The following COL5A1 variants were observed in gnomAD, a reference collection of about 807,000 sequenced individuals.
COL5A1 encodes collagen type V alpha 1 chain.
A neutral mutation model predicts 263.7 loss-of-function variants in COL5A1; 16 were observed. That is an observed-to-expected ratio of 0.06 (90% CI 0.04 to 0.09). The LOEUF is 0.09. COL5A1 is among the 10% of genes least tolerant of loss of function. COL5A1 has a pLI of 1.00. For synonymous variants in COL5A1, 1,012 were observed against 1,004.5 expected (o/e 1.01, Z -0.14); for missense variants, 2,036 against 2,540.5 (o/e 0.80, Z 4.27).
chr9:134,750,718 C>T, intron 12 of COL5A1, 72 bp from the exon 13 acceptor site: 1 of 1,597,602 alleles, frequency 6.3e-7, no homozygotes, highest in Non-Finnish European at 8.6e-7. Flanking sequence ...CCTGTGGGCC[C>T]CGTCTCAGTC....
rs2132623215 is a variant in COL5A1, at chr9:134,722,524, G to A, written c.655-4742G>A. Among the ~76,000 whole-genome samples, 3 of 152,360 alleles carry A rather than the reference G, an allele frequency of 2.0e-5. No individual in the cohort carries two copies. The Middle Eastern group carries it at 0.01, about 518-fold the overall frequency. On this transcript the variant is annotated intron_variant, in intron 4 of 65. Coordinates refer to ENST00000371817, the MANE Select transcript of COL5A1 (RefSeq NM_000093.5). ...ACGCCCATGATCCAAGGAGCTTGGG[G>A]CTTCCGGGGAAGCAGAGCTGGATCC...
chr9:134,680,856 C>T lies in COL5A1; in HGVS notation c.110-10056C>T, dbSNP rs982219174. 2.0e-5 allele frequency among the ~76,000 whole-genome samples: 3 copies of T among 152,168 alleles called. No individual in the cohort carries two copies. The highest frequency in any genetic ancestry group is 6.5e-5 in the Admixed American group (1 of 15,282). On this transcript the variant is annotated intron_variant, in intron 1 of 65. Coordinates refer to ENST00000371817, the MANE Select transcript of COL5A1 (RefSeq NM_000093.5). This position sits in a 1 kb window ranked among gnomAD's most constrained non-coding sequence, Gnocchi z 5.9. ...GAGCTTTTAGGTGGGTGCATGGAAC[C>T]TGCTTTGGCGAAGTGGCAGTGAGCG... is the stretch of plus-strand genomic sequence containing the variant.
intron 25 of COL5A1, among the ~76,000 whole-genome samples, chr9:134,769,370 C>T (rs1047781621): frequency 2.0e-5 from 3 of 152,208 alleles, no homozygotes; most frequent in South Asian, 2.1e-4. Context: ...TGTGGGGCCC[C>T]GTGGTCACCT....
At chr9:134,724,430 G>A (rs1834574343) in intron 4 of COL5A1, among the ~76,000 whole-genome samples, 1 of 152,230 alleles carries the variant, frequency 6.6e-6, no homozygotes, top group Non-Finnish European at 1.5e-5. Context: ...GGCCTGTCCG[G>A]CAGCACAGAG....
At chr9:134,759,944 C>A (rs1836242407) in intron 18 of COL5A1, among the ~76,000 whole-genome samples, 1 of 131,918 alleles carries the variant, frequency 7.6e-6, no homozygotes, top group African/African-American at 2.9e-5. Flanking sequence ...CGCATACATA[C>A]CCCCACACCC....
intron 26 of COL5A1, among the ~76,000 whole-genome samples, chr9:134,773,796 G>A (rs930373076): frequency 1.1e-4 from 17 of 152,194 alleles, no homozygotes; most frequent in African/African-American, 3.9e-4. Context: ...CTTCTCCAAC[G>A]TGCTGCCTCT....
intron 29 of COL5A1, 101 bp from the exon 30 acceptor site, chr9:134,784,888 T>G: frequency 1.1e-6 from 1 of 944,358 alleles, no homozygotes; most frequent in Non-Finnish European, 1.7e-6. Flanking sequence ...GACCACAGGG[T>G]GCCTGTGACC....
In COL5A1 at chr9:134,680,588, G is replaced by A. The variant is rs1832823909; in HGVS notation, c.110-10324G>A. ...TCTCTGCTGTACCATGTCCGGTGAGGTCCTGAAGTGCAAAAGGCCTTGAGG... is the reference window on the plus strand; with the variant it reads ...TCTCTGCTGTACCATGTCCGGTGAGATCCTGAAGTGCAAAAGGCCTTGAGG... On this transcript the variant is annotated intron_variant, in intron 1 of 65. Transcript: ENST00000371817. The surrounding 1 kb of genome is among the most constrained non-coding windows in gnomAD (Gnocchi z 5.9). Among the ~76,000 whole-genome samples, 1 of 152,218 alleles carries A rather than the reference G, an allele frequency of 6.6e-6. No homozygotes were observed. The highest frequency in any genetic ancestry group is 2.4e-5 in the African/African-American group (1 of 41,456).
chr9:134,793,754 T>A (rs1030567454), intron 32 of COL5A1, among the ~76,000 whole-genome samples: 2 of 152,172 alleles, frequency 1.3e-5, no homozygotes, highest in Non-Finnish European at 2.9e-5. Flanking sequence ...AGAACGCCTA[T>A]CACTGGAAGA....
Position 134,842,448 on chromosome 9 carries a change from G to A in COL5A1, c.*145G>A, listed in dbSNP as rs181323324. The A allele has an allele frequency of 5.3e-4, 527 of 990,510 alleles. 7 individuals are homozygous for A. In the East Asian group the frequency reaches 0.012, roughly 22 times the overall value. The allele number at this position is 990,510 out of a possible 1,614,324, so 61.4% of individuals were successfully genotyped here. ...GACTTCATCTACGCCTCGGCACCAC[G>A]GGGTGTGGGACCCCAGCCCGGAGAG... On this transcript the variant is annotated 3_prime_UTR_variant, in exon 66 of 66. Transcript: ENST00000371817. This position sits in a 1 kb window ranked among gnomAD's most constrained non-coding sequence, Gnocchi z 5.8.
chr9:134,695,991 C>T (rs1235571092), intron 2 of COL5A1, among the ~76,000 whole-genome samples: 2 of 152,122 alleles, frequency 1.3e-5, no homozygotes, highest in Non-Finnish European at 2.9e-5. Flanking sequence ...TGGGCCTCTG[C>T]CCTGGGCCTG....
intron 30 of COL5A1, among the ~76,000 whole-genome samples, chr9:134,785,708 C>T (rs975399630): frequency 1.3e-5 from 2 of 152,232 alleles, no homozygotes; most frequent in African/African-American, 4.8e-5. Flanking sequence ...TGAGTTGAGG[C>T]ATTTGCCTCT....
At chr9:134,704,833 G>T (rs1833787999) in intron 4 of COL5A1, among the ~76,000 whole-genome samples, 1 of 151,964 alleles carries the variant, frequency 6.6e-6, no homozygotes, top group Non-Finnish European at 1.5e-5. Context: ...AGGAAGTTCG[G>T]TGAGTTGGCC....
chr9:134,668,579 T>C (rs1308992556), intron 1 of COL5A1, among the ~76,000 whole-genome samples: 1 of 94,334 alleles, frequency 1.1e-5, no homozygotes, highest in African/African-American at 5.8e-5. Context: ...TCCATCCATC[T>C]ATCTACTTGT....
chr9:134,786,702 A>ATT (rs35655116), intron 31 of COL5A1, among the ~76,000 whole-genome samples: 5,915 of 152,036 alleles, frequency 0.039, 164 homozygotes, highest in Non-Finnish European at 0.057. Flanking sequence ...TGAAAATGTT[A>ATT]TTTTTTTTCA....
chr9:134,754,173 C>T lies in COL5A1; in HGVS notation c.1774-100C>T. ...GCCCACATGTTTGTGGCTTGGACAG[C>T]CAGGCATGGGCAGGGTCGATGAGCA... On this transcript the variant is annotated intron_variant, in intron 15 of 65. Coordinates refer to ENST00000371817, the MANE Select transcript of COL5A1 (RefSeq NM_000093.5). This position sits in a 1 kb window ranked among gnomAD's most constrained non-coding sequence, Gnocchi z 4.3. The T allele has an allele frequency of 1.5e-6, 2 of 1,307,228 alleles. No individual in the cohort carries two copies. Among genetic ancestry groups the T allele is most frequent in the Non-Finnish European group, 2.2e-6 (2 of 918,328 alleles). The allele number at this position is 1,307,228 out of a possible 1,614,324, so 81.0% of individuals were successfully genotyped here.
At chr9:134,786,208 G>T (rs1305129824) in intron 31 of COL5A1, among the ~76,000 whole-genome samples, 160 bp downstream of exon 31, 1 of 151,934 alleles carries the variant, frequency 6.6e-6, no homozygotes, top group East Asian at 1.9e-4. Flanking sequence ...AGGCGTGGGG[G>T]TTGTACCGCC....
chr9:134,770,678 G>T (rs1354184179), intron 25 of COL5A1, among the ~76,000 whole-genome samples: 1 of 152,172 alleles, frequency 6.6e-6, no homozygotes, highest in Admixed American at 6.5e-5. Context: ...AATTGTCTAT[G>T]ATGAACATAC....
intron 4 of COL5A1, among the ~76,000 whole-genome samples, chr9:134,715,986 G>A (rs1019202380): frequency 1.3e-5 from 2 of 151,080 alleles, no homozygotes; most frequent in Non-Finnish European, 3.0e-5. Context: ...GCTGGTGGTG[G>A]TGGTGGTGGT....
Sources: allele counts gnomAD v4.1 joint callset (sites outside exome capture counted in the v4.1 genomes callset), GRCh38; gene constraint gnomAD v4.1.1; non-coding constraint Gnocchi (gnomAD v3.1); transcripts MANE v1.5; gene names NCBI Gene and HGNC (gene_info 2026-07-23, HGNC 2026-07-21).